The following PAAF1 variants were observed in gnomAD, a reference collection of about 807,000 sequenced individuals.
PAAF1 encodes the protein proteasomal ATPase-associated factor 1.
Under a neutral mutation model 52.8 loss-of-function variants are expected in PAAF1, and 46 were observed. That is an observed-to-expected ratio of 0.87 (90% CI 0.69 to 1.11). The LOEUF (loss-of-function observed/expected upper bound fraction) is 1.11. Among genes scored for constraint, PAAF1 ranks in the 50% most tolerant of loss-of-function variants. The pLI, the probability that PAAF1 is intolerant of heterozygous loss-of-function variation, is 0.00. For missense variants in PAAF1, 424 were observed against 477.4 expected, an observed-to-expected ratio of 0.89 and a Z score of 1.04; for synonymous variants, 178 against 172.8, an observed-to-expected ratio of 1.03 and a Z score of -0.24.
rs75270088 is a variant in PAAF1 at position 73,902,192 on chromosome 11, C to A, written c.532+1772C>A. Reference sequence around the variant, plus strand: ...TTTAAGTTTTAATATTTCTTTATAACATTTTGCCAGATTACATGCTGATGT... The same window carrying A: ...TTTAAGTTTTAATATTTCTTTATAAAATTTTGCCAGATTACATGCTGATGT... On this transcript the variant is annotated intron_variant, in intron 6 of 11. Transcript: ENST00000310571. 2.1e-3 allele frequency among the ~76,000 whole-genome samples: 327 copies of A among 152,276 alleles called. 1 individual carries two copies. Among genetic ancestry groups the A allele is most frequent in the African/African-American group, 7.3e-3 (304 of 41,542 alleles).
chr11:73,920,842 ACT>A (rs1354394593), intron 10 of PAAF1, among the ~76,000 whole-genome samples: 2 of 144,914 alleles, frequency 1.4e-5, no homozygotes, highest in East Asian at 4.1e-4. Flanking sequence ...ACAGAGTGAG[ACT>A]CTGTCTCAAA....
chr11:73,902,841 C>T (rs1172744735), intron 6 of PAAF1, among the ~76,000 whole-genome samples: 1 of 152,186 alleles, frequency 6.6e-6, no homozygotes, highest in Non-Finnish European at 1.5e-5. Context: ...GGATTACAGG[C>T]ATGCGCCACC....
intron 6 of PAAF1, among the ~76,000 whole-genome samples, chr11:73,905,479 C>T (rs1949731236): frequency 6.6e-6 from 1 of 152,154 alleles, no homozygotes; most frequent in Non-Finnish European, 1.5e-5. Context: ...TCATTGGCCT[C>T]CCAAAGTGCT....
intron 4 of PAAF1, among the ~76,000 whole-genome samples, chr11:73,892,959 C>T (rs1314118959): frequency 6.6e-6 from 1 of 152,138 alleles, no homozygotes; most frequent in Non-Finnish European, 1.5e-5. Flanking sequence ...CGTGCCCAGC[C>T]TATAACTTGC....
chr11:73,888,276 A>T (rs1342113324), intron 3 of PAAF1, among the ~76,000 whole-genome samples: 1 of 152,234 alleles, frequency 6.6e-6, no homozygotes, highest in Non-Finnish European at 1.5e-5. Flanking sequence ...AGTTGAAAAT[A>T]TAGATGCCCA....
At chr11:73,896,486 G>T (rs1345299887) in intron 4 of PAAF1, among the ~76,000 whole-genome samples, 3 of 150,536 alleles carry the variant, frequency 2.0e-5, no homozygotes, top group Non-Finnish European at 3.0e-5. Flanking sequence ...TGAGATTAGG[G>T]AGTGGTGATG....
At chr11:73,888,109 G>A (rs1565127419) in intron 3 of PAAF1, among the ~76,000 whole-genome samples, 1 of 152,026 alleles carries the variant, frequency 6.6e-6, no homozygotes, top group Non-Finnish European at 1.5e-5. Flanking sequence ...ATTTCAACCT[G>A]TAAATAATAC....
At chr11:73,889,375 TAAAA>T (rs1261375569) in intron 3 of PAAF1, 4 of 541,946 alleles carry the variant, frequency 7.4e-6, no homozygotes, top group African/African-American at 5.8e-5. Flanking sequence ...CCCTGGAGCA[TAAAA>T]ATGTTTGACT....
intron 4 of PAAF1, among the ~76,000 whole-genome samples, chr11:73,896,800 A>G (rs1448122891): frequency 1.3e-5 from 2 of 152,090 alleles, no homozygotes; most frequent in African/African-American, 4.8e-5. Flanking sequence ...CCCGTTCTCA[A>G]TGAGCTGTTG....
intron 2 of PAAF1, 79 bp downstream of exon 2, chr11:73,878,898 C>G: frequency 3.0e-6 from 4 of 1,326,830 alleles, no homozygotes; most frequent in Admixed American, 1.8e-5. Context: ...CCTACTTTCT[C>G]CTGGCCCAGC....
rs760752064 is a variant in PAAF1 at position 73,916,540 on chromosome 11, C to A, written c.820-5C>A. 1.9e-6 allele frequency: 3 copies of A among 1,599,562 alleles called. No individual in the cohort carries two copies. Among genetic ancestry groups the A allele is most frequent in the Admixed American group, 3.4e-5 (2 of 58,926 alleles). ...ACAGCATTTTTGCCTCCTACTTGTT[C>A]CCAGGTGTTCCTCTTTATTGGCTCA... is the stretch of plus-strand genomic sequence containing the variant. On this transcript the variant is annotated splice_polypyrimidine_tract_variant and splice_region_variant and intron_variant, in intron 8 of 11. Coordinates refer to ENST00000310571, the MANE Select transcript of PAAF1 (RefSeq NM_025155.3).
intron 2 of PAAF1, among the ~76,000 whole-genome samples, chr11:73,885,674 TC>T (rs905647699): frequency 1.3e-5 from 2 of 151,276 alleles, no homozygotes; most frequent in African/African-American, 4.9e-5. Flanking sequence ...AAACCCCGTC[TC>T]TACTAAAAAT....
intron 2 of PAAF1, among the ~76,000 whole-genome samples, chr11:73,881,634 AC>A (rs1459797779): frequency 6.7e-6 from 1 of 150,276 alleles, no homozygotes; most frequent in Non-Finnish European, 1.5e-5. Flanking sequence ...AAAGCAACAA[AC>A]TTAATGTTGT....
chr11:73,910,832 T>C (rs1949908705), intron 7 of PAAF1, among the ~76,000 whole-genome samples: 2 of 151,684 alleles, frequency 1.3e-5, no homozygotes, highest in African/African-American at 4.8e-5. Context: ...CTACTAAAAA[T>C]ACAAAAAATT....
intron 2 of PAAF1, among the ~76,000 whole-genome samples, chr11:73,884,293 A>T (rs527536789): frequency 6.6e-6 from 1 of 152,148 alleles, no homozygotes; most frequent in Non-Finnish European, 1.5e-5. Context: ...TGAGCCCAGC[A>T]GTTCGAGACC....
At chr11:73,914,602 T>A in intron 8 of PAAF1, 98 bp downstream of exon 8, 2 of 987,262 alleles carry the variant, frequency 2.0e-6, no homozygotes, top group Non-Finnish European at 3.1e-6. Flanking sequence ...GCTCCCTGTG[T>A]TCACTTTTGA....
chr11:73,923,823 C>T (rs571266469), intron 10 of PAAF1, among the ~76,000 whole-genome samples: 1 of 152,244 alleles, frequency 6.6e-6, no homozygotes, highest in East Asian at 1.9e-4. Context: ...GAATTAGATA[C>T]ACTTTTACTT....
At chr11:73,897,663 G>A (rs1949448262) in intron 4 of PAAF1, among the ~76,000 whole-genome samples, 2 of 147,716 alleles carry the variant, frequency 1.4e-5, no homozygotes, top group Non-Finnish European at 2.9e-5. Flanking sequence ...TTTCCAGACT[G>A]GGCGGCCGGG....
chr11:73,882,500 G>A (rs1948942880), intron 2 of PAAF1, among the ~76,000 whole-genome samples: 2 of 151,484 alleles, frequency 1.3e-5, no homozygotes, highest in East Asian at 3.9e-4. Context: ...AGGCTGGAGT[G>A]CAGTGGTGCG....
Sources: allele counts gnomAD v4.1 joint callset (sites outside exome capture counted in the v4.1 genomes callset), GRCh38; gene constraint gnomAD v4.1.1; transcripts MANE v1.5; gene names NCBI Gene and HGNC (gene_info 2026-07-23, HGNC 2026-07-21).